DGUOK: variants seen among roughly 807,000 people sequenced by gnomAD.
DGUOK encodes deoxyguanosine kinase, also known as deoxyguanosine kinase, mitochondrial.
In DGUOK, 30 loss-of-function variants were observed where a neutral mutation model predicts 36.6. The observed-to-expected ratio is 0.82, with a 90% CI of 0.61 to 1.11. DGUOK has a LOEUF of 1.11. DGUOK is among the 50% of genes most tolerant of loss of function. DGUOK has a pLI of 0.00. For synonymous variants in DGUOK, 145 were observed against 126.3 expected (o/e 1.15, Z -0.99); for missense variants, 361 against 336.4 (o/e 1.07, Z -0.57).
chr2:73,946,794 C>T lies in DGUOK; in HGVS notation c.331C>T (p.Gln111Ter), dbSNP rs1255487507. 1 of 1,614,068 alleles carries T rather than the reference C, an allele frequency of 6.2e-7. No homozygotes were observed. The highest frequency in any genetic ancestry group is 8.5e-7 in the Non-Finnish European group (1 of 1,180,024). Reference sequence around the variant, plus strand: ...GCCAGCACGATGGTCCTACACATTCCAGACATTTTCCTTTTTGAGCCGCCT... The same window carrying T: ...GCCAGCACGATGGTCCTACACATTCTAGACATTTTCCTTTTTGAGCCGCCT... ...REPARWSYTF[Q>*]TFSFLSRLKV... is the part of the protein sequence containing the mutation. The change falls in exon 3 of 7, where the codon CAG (glutamine) becomes TAG (stop). Residue 111 changes from glutamine (Q) to a stop codon, truncating the protein, a stop_gained. Transcript: ENST00000264093. LOFTEE classifies it high-confidence loss of function.
chr2:73,946,694 T>C, intron 2 of DGUOK, 25 bp from the exon 3 acceptor site: 5 of 1,612,428 alleles, frequency 3.1e-6, no homozygotes, highest in Non-Finnish European at 4.2e-6. Flanking sequence ...TAGGAAATTT[T>C]CTTCTTTTTT....
At chr2:73,935,855 C>T (rs1681424174) in intron 1 of DGUOK, among the ~76,000 whole-genome samples, 1 of 152,176 alleles carries the variant, frequency 6.6e-6, no homozygotes, top group Non-Finnish European at 1.5e-5. Context: ...CTGTATATTT[C>T]CTGTTACATC....
In DGUOK at chr2:73,950,747, A is replaced by G. The variant is rs1558661924; in HGVS notation, c.591+15A>G. The G allele has an allele frequency of 1.2e-6, 2 of 1,614,128 alleles. No individual in the cohort carries two copies. The highest frequency in any genetic ancestry group is 1.6e-4 in the Middle Eastern group (1 of 6,062). ...CTTCTCCCCAGGTAACACTGAACCT[A>G]CAACCTTAGACTTTAGGGCCATATG... On this transcript the variant is annotated intron_variant, in intron 4 of 6. Coordinates refer to ENST00000264093, the MANE Select transcript of DGUOK (RefSeq NM_080916.3).
intron 1 of DGUOK, among the ~76,000 whole-genome samples, chr2:73,931,837 C>A (rs965862763): frequency 1.3e-5 from 2 of 151,932 alleles, no homozygotes; most frequent in African/African-American, 4.8e-5. Context: ...AAGATGCAGG[C>A]CTGAATAGAA....
At chr2:73,957,675 A>T (rs1023133744) in intron 5 of DGUOK, among the ~76,000 whole-genome samples, 2 of 152,210 alleles carry the variant, frequency 1.3e-5, no homozygotes, top group Non-Finnish European at 2.9e-5. Context: ...TGCCCAGAAG[A>T]AGTTTAATAT....
chr2:73,945,114 T>TA (rs1281875888), intron 2 of DGUOK, among the ~76,000 whole-genome samples: 2 of 152,260 alleles, frequency 1.3e-5, no homozygotes, highest in Admixed American at 6.5e-5. Context: ...TTGGACTTCT[T>TA]ACTGTTGTTG....
At chr2:73,929,119 C>T (rs1379685669) in intron 1 of DGUOK, among the ~76,000 whole-genome samples, 1 of 152,186 alleles carries the variant, frequency 6.6e-6, no homozygotes. Context: ...CCTCCCCTCG[C>T]TTCCCCTCCT....
chr2:73,943,600 T>A (rs919148857), intron 2 of DGUOK, among the ~76,000 whole-genome samples: 4 of 152,086 alleles, frequency 2.6e-5, no homozygotes, highest in Non-Finnish European at 5.9e-5. Flanking sequence ...GATTCAGTAC[T>A]GTTTGAGGGG....
rs1241473255 is a variant in DGUOK, at chr2:73,938,929, T to C, written c.162T>C (p.Phe54=). 1 of 1,613,664 alleles carries C rather than the reference T, an allele frequency of 6.2e-7. No individual in the cohort carries two copies. The highest frequency in any genetic ancestry group is 8.5e-7 in the Non-Finnish European group (1 of 1,179,540). The change falls in exon 2 of 7, where the codon TTT becomes TTC. Residue 54 remains phenylalanine (F), a synonymous_variant. Coordinates refer to ENST00000264093, the MANE Select transcript of DGUOK (RefSeq NM_080916.3). ...EGNIAVGKST[F]VKLLTKTYPE... is the part of the protein sequence containing the mutation. ...TTGCAGCTGTGGGAAAGTCCACGTTTGTGAAGTTACTCACGAAAACTTACC... is the reference window on the plus strand; with the variant it reads ...TTGCAGCTGTGGGAAAGTCCACGTTCGTGAAGTTACTCACGAAAACTTACC...
At chr2:73,946,641 G>GGT (rs1293178534) in intron 2 of DGUOK, 78 bp from the exon 3 acceptor site, 3 of 1,267,608 alleles carry the variant, frequency 2.4e-6, no homozygotes, top group Admixed American at 3.4e-5. Flanking sequence ...GGGAGGTAGG[G>GGT]GTGTGTGTGG....
At chr2:73,942,694 A>G (rs1256267201) in intron 2 of DGUOK, among the ~76,000 whole-genome samples, 1 of 152,094 alleles carries the variant, frequency 6.6e-6, no homozygotes, top group Non-Finnish European at 1.5e-5. Flanking sequence ...CCACATTTCT[A>G]TTTTCTTGTT....
At chr2:73,954,057 A>T (rs1293630461) in intron 4 of DGUOK, among the ~76,000 whole-genome samples, 1 of 151,922 alleles carries the variant, frequency 6.6e-6, no homozygotes, top group Non-Finnish European at 1.5e-5. Flanking sequence ...GCCAGACTGG[A>T]CCAGGCGGGT....
chr2:73,940,065 A>T (rs1681788337), intron 2 of DGUOK, among the ~76,000 whole-genome samples: 1 of 151,678 alleles, frequency 6.6e-6, no homozygotes, highest in Admixed American at 6.6e-5. Context: ...CCATGCTGGG[A>T]TACTTTTTGT....
At chr2:73,932,650 A>G in intron 1 of DGUOK, 1 of 1,295,180 alleles carries the variant, frequency 7.7e-7, no homozygotes, top group Non-Finnish European at 1.0e-6. Flanking sequence ...AAACCTGAAC[A>G]GGGAAGGTGA....
chr2:73,946,726 C>T lies in DGUOK; in HGVS notation c.263C>T (p.Thr88Ile), dbSNP rs1573548142. 1.9e-6 allele frequency: 3 copies of T among 1,614,166 alleles called. No individual in the cohort carries two copies. Among genetic ancestry groups the T allele is most frequent in the East Asian group, 2.2e-5 (1 of 44,888 alleles). ...TTTTTCATCTCCCTCTAGGCCTGCACTGCCCAAAGTCTTGGAAACTTGCTG... is the reference window on the plus strand; with the variant it reads ...TTTTTCATCTCCCTCTAGGCCTGCATTGCCCAAAGTCTTGGAAACTTGCTG... ...IQAAGTQKAC[T>I]AQSLGNLLDM... Residue 88 changes from threonine to isoleucine, a missense_variant, in exon 3 of 7, where the codon ACT (threonine) becomes ATT (isoleucine). By Grantham distance (89) the Thr-to-Ile change is moderately conservative. Coordinates refer to ENST00000264093, the MANE Select transcript of DGUOK (RefSeq NM_080916.3).
intron 2 of DGUOK, among the ~76,000 whole-genome samples, chr2:73,946,136 T>C (rs980652205): frequency 6.6e-6 from 1 of 152,210 alleles, no homozygotes; most frequent in Non-Finnish European, 1.5e-5. Context: ...TGGAACGTTT[T>C]AATTATGTTT....
chr2:73,950,835 C>T (rs1682655762), intron 4 of DGUOK, 103 bp downstream of exon 4: 7 of 1,463,492 alleles, frequency 4.8e-6, no homozygotes, highest in Non-Finnish European at 6.7e-6. Context: ...AGAGCGTAGA[C>T]ATTACCTGCA....
At chr2:73,951,149 C>G (rs1682675789) in intron 4 of DGUOK, among the ~76,000 whole-genome samples, 1 of 152,152 alleles carries the variant, frequency 6.6e-6, no homozygotes, top group Admixed American at 6.5e-5. Flanking sequence ...CTCACCTCAT[C>G]ATGATACTGC....
chr2:73,946,172 G>T (rs1038562375), intron 2 of DGUOK, among the ~76,000 whole-genome samples: 1 of 152,118 alleles, frequency 6.6e-6, no homozygotes, highest in African/African-American at 2.4e-5. Context: ...ATTAAGTAGG[G>T]TTTTGTTTTA....
Sources: gnomAD v4.1 joint callset for allele counts (sites outside exome capture counted in the v4.1 genomes callset) on GRCh38, gnomAD v4.1.1 for gene constraint, MANE v1.5 for transcripts, NCBI Gene and HGNC (gene_info 2026-07-23, HGNC 2026-07-21) for gene names.